ARMH4: variants seen among roughly 807,000 people sequenced by gnomAD.
ARMH4 encodes the protein armadillo like helical domain containing 4.
A neutral mutation model predicts 61.9 loss-of-function variants in ARMH4; 49 were observed. The observed-to-expected ratio is 0.79, with a 90% CI of 0.63 to 1.00. ARMH4 has a LOEUF of 1.00. Ranked by LOEUF, ARMH4 falls within the 50% of genes least tolerant of loss-of-function variation. The pLI is 0.00. For synonymous variants in ARMH4, 368 were observed against 341.5 expected (o/e 1.08, Z -0.85); for missense variants, 934 against 930.0 (o/e 1.00, Z -0.06).
intron 5 of ARMH4, among the ~76,000 whole-genome samples, chr14:58,065,014 C>T (rs550683042): frequency 9.1e-4 from 138 of 152,134 alleles, no homozygotes; most frequent in Middle Eastern, 3.4e-3. Context: ...GAGGCCGAGG[C>T]GGGCAGATCA....
At chr14:58,097,513 A>G (rs1271812002) in intron 4 of ARMH4, among the ~76,000 whole-genome samples, 2 of 152,174 alleles carry the variant, frequency 1.3e-5, no homozygotes, top group African/African-American at 4.8e-5. Flanking sequence ...GTTCTCTCTA[A>G]GGAAGAGTAA....
chr14:58,123,789 C>A (rs567594861), intron 4 of ARMH4, among the ~76,000 whole-genome samples: 22 of 152,280 alleles, frequency 1.4e-4, no homozygotes, highest in African/African-American at 4.8e-4. Context: ...GGCATTAGCC[C>A]AAGACTTGAG....
Position 58,026,439 on chromosome 14 carries a change from T to C in ARMH4, c.2090-14289A>G, listed in dbSNP as rs560226166. Among the ~76,000 whole-genome samples, 8 of 152,302 alleles carry C rather than the reference T, an allele frequency of 5.3e-5. No individual in the cohort carries two copies. In the South Asian group the frequency reaches 1.0e-3, roughly 20 times the overall value. Reference sequence around the variant, plus strand: ...TTACCACCCAGCAGCAACAAGTGCATGCTCAGGGAAACTGAAATTCTCATT... The same window carrying C: ...TTACCACCCAGCAGCAACAAGTGCACGCTCAGGGAAACTGAAATTCTCATT... On this transcript the variant is annotated intron_variant, in intron 5 of 7. Coordinates refer to ENST00000267485, the MANE Select transcript of ARMH4 (RefSeq NM_001001872.4).
intron 5 of ARMH4, among the ~76,000 whole-genome samples, chr14:58,038,407 TCG>T (rs1883557751): frequency 2.2e-5 from 2 of 91,258 alleles, no homozygotes; most frequent in African/African-American, 8.7e-5. Context: ...TGTGGTGGGG[TCG>T]GGGGAGGGGG....
Position 58,001,870 on chromosome 14 carries a change from C to G in ARMH4, c.*2866G>C, listed in dbSNP as rs1881997673. The G allele has an allele frequency of 6.6e-6, 1 of 152,068 alleles. No individual in the cohort carries two copies. The highest frequency in any genetic ancestry group is 6.6e-5 in the Admixed American group (1 of 15,260). The allele number at this position is 152,068 out of a possible 1,614,324, so 9.4% of individuals were successfully genotyped here. Reference sequence around the variant, plus strand: ...CCGAGAAGAAGACCTAGTTCCTGCCCCTGCGGTGGGATGCTGGCAGTTCTG... The same window carrying G: ...CCGAGAAGAAGACCTAGTTCCTGCCGCTGCGGTGGGATGCTGGCAGTTCTG... On this transcript the variant is annotated 3_prime_UTR_variant, in exon 8 of 8. Coordinates refer to ENST00000267485, the MANE Select transcript of ARMH4 (RefSeq NM_001001872.4).
chr14:58,035,942 T>C lies in ARMH4; in HGVS notation c.2090-23792A>G, dbSNP rs1392893816. Among the ~76,000 whole-genome samples the C allele has an allele frequency of 1.5e-5, 2 of 131,064 alleles. 1 individual carries two copies. Among genetic ancestry groups the C allele is most frequent in the Non-Finnish European group, 3.4e-5 (2 of 58,118 alleles). 86.0% of individuals were successfully genotyped at this position (131,064 alleles called of 152,430 possible). A position where few individuals can be genotyped will look rare whatever the true frequency, so the allele number is the denominator to read the frequency against. The stretch of plus-strand genomic sequence containing the variant: ...CAACCAAAAAGAGTCCAGGACCAGA[T>C]GGATTCATAGCCGAATTCTACCAGA... On this transcript the variant is annotated intron_variant, in intron 5 of 7. Coordinates refer to ENST00000267485, the MANE Select transcript of ARMH4 (RefSeq NM_001001872.4).
intron 4 of ARMH4, among the ~76,000 whole-genome samples, chr14:58,126,911 T>C (rs1207259711): frequency 3.3e-5 from 5 of 151,496 alleles, no homozygotes; most frequent in African/African-American, 1.2e-4. Context: ...CAAGTGATTC[T>C]CCTGCCTCAG....
chr14:58,123,606 G>A (rs186558675), intron 4 of ARMH4, among the ~76,000 whole-genome samples: 1 of 152,142 alleles, frequency 6.6e-6, no homozygotes, highest in Non-Finnish European at 1.5e-5. Context: ...CCAAATACCA[G>A]AGGAAGCAGT....
intron 5 of ARMH4, among the ~76,000 whole-genome samples, chr14:58,025,509 C>A (rs1199874685): frequency 3.3e-5 from 5 of 152,086 alleles, no homozygotes; most frequent in Non-Finnish European, 7.4e-5. Context: ...AGAGCATAGT[C>A]CTTTGTTCAA....
intron 5 of ARMH4, among the ~76,000 whole-genome samples, chr14:58,026,542 A>T (rs1426415587): frequency 5.3e-5 from 8 of 152,146 alleles, no homozygotes; most frequent in Non-Finnish European, 8.8e-5. Context: ...TGGCCTTCAT[A>T]CTTTATTTTT....
In ARMH4 at chr14:58,077,345, T is replaced by C. The variant is rs552960753; in HGVS notation, c.2089+19379A>G. Among the ~76,000 whole-genome samples, 23 of 152,326 alleles carry C rather than the reference T, an allele frequency of 1.5e-4. No homozygotes were observed. The South Asian group carries it at 4.8e-3, about 32-fold the overall frequency. ...TAGACTGTGCGTGGTGGTTCAGGCC[T>C]ATAATCCCAGCCATTTGGGAGGCTG... On this transcript the variant is annotated intron_variant, in intron 5 of 7. Transcript: ENST00000267485.
rs997623970 is a variant in ARMH4 at position 58,120,306 on chromosome 14, T to C, written c.1831+11206A>G. Among the ~76,000 whole-genome samples, 4 of 151,904 alleles carry C rather than the reference T, an allele frequency of 2.6e-5. No homozygotes were observed. In the South Asian group the frequency reaches 8.3e-4, roughly 32 times the overall value. On this transcript the variant is annotated intron_variant, in intron 4 of 7. Transcript: ENST00000267485. ...GACCAAAACTTCATTATACAGCACA[T>C]TACTATAAATATATACACAAATCTA...
In ARMH4 at chr14:58,013,289, T is replaced by C. The variant is rs577947029; in HGVS notation, c.2090-1139A>G. ...CGTAGACAATACATAAATAAATGGG[T>C]TCAGCTATGTTCCAATAAACTTTAT... On this transcript the variant is annotated intron_variant, in intron 5 of 7. Coordinates refer to ENST00000267485, the MANE Select transcript of ARMH4 (RefSeq NM_001001872.4). Among the ~76,000 whole-genome samples the C allele has an allele frequency of 1.5e-4, 23 of 152,322 alleles. No individual in the cohort carries two copies. In the South Asian group the frequency reaches 4.4e-3, roughly 29 times the overall value.
At chr14:58,026,437 C>T (rs551169139) in intron 5 of ARMH4, among the ~76,000 whole-genome samples, 1 of 152,276 alleles carries the variant, frequency 6.6e-6, no homozygotes, top group African/African-American at 2.4e-5. Flanking sequence ...GCAACAAGTG[C>T]ATGCTCAGGG....
At chr14:58,082,142 G>A (rs181475498) in intron 5 of ARMH4, among the ~76,000 whole-genome samples, 13 of 152,192 alleles carry the variant, frequency 8.5e-5, no homozygotes, top group Non-Finnish European at 5.9e-5. Context: ...ACAACCACTG[G>A]GTCATGTTGG....
At chr14:58,132,174 T>A (rs1887132066) in intron 3 of ARMH4, among the ~76,000 whole-genome samples, 1 of 152,172 alleles carries the variant, frequency 6.6e-6, no homozygotes, top group Non-Finnish European at 1.5e-5. Context: ...CAGCCAAATA[T>A]AGCCCCAGGA....
At chr14:58,025,404 A>T (rs539409884) in intron 5 of ARMH4, among the ~76,000 whole-genome samples, 1 of 152,212 alleles carries the variant, frequency 6.6e-6, no homozygotes, top group South Asian at 2.1e-4. Flanking sequence ...TAATAGAAAA[A>T]TTTTCAATAT....
chr14:58,079,563 G>GACA (rs1885154950), intron 5 of ARMH4, among the ~76,000 whole-genome samples: 1 of 152,134 alleles, frequency 6.6e-6, no homozygotes, highest in African/African-American at 2.4e-5. Flanking sequence ...AATTTCGGGG[G>GACA]ACACATTCAA....
chr14:58,116,337 T>G (rs1038682456), intron 4 of ARMH4: 5 of 328,198 alleles, frequency 1.5e-5, no homozygotes, highest in Non-Finnish European at 2.6e-5. Context: ...CAAACACCAG[T>G]GGCAAAATGT....
Sources: allele counts gnomAD v4.1 joint callset (sites outside exome capture counted in the v4.1 genomes callset), GRCh38; gene constraint gnomAD v4.1.1; transcripts MANE v1.5; gene names NCBI Gene and HGNC (gene_info 2026-07-23, HGNC 2026-07-21).